FANCB: variants seen among roughly 807,000 people sequenced by gnomAD.
FANCB encodes the protein FA complementation group B, also known as Fanconi anemia group B protein.
A neutral mutation model predicts 38.9 loss-of-function variants in FANCB; 5 were observed. The ratio of observed to expected loss-of-function variants is 0.13; its 90% CI spans 0.07 to 0.27. FANCB has a LOEUF of 0.27. Among genes scored for constraint, FANCB ranks in the 10% least tolerant of loss-of-function variants. The pLI is 1.00. For synonymous variants in FANCB, 236 were observed against 215.4 expected (o/e 1.10, Z -0.84); for missense variants, 573 against 602.7 (o/e 0.95, Z 0.52).
intron 1 of FANCB, among the ~76,000 whole-genome samples, chrX:14,870,904 G>C (rs1334976244): frequency 9.0e-6 from 1 of 111,552 alleles, no homozygotes; most frequent in Non-Finnish European, 1.9e-5. Flanking sequence ...CAACTAAAAT[G>C]GCACCTAATA....
At chrX:14,699,150 C>T in the FANCB span, among the ~76,000 whole-genome samples, 28 of 112,270 alleles carry the variant, frequency 2.5e-4, no homozygotes, top group Non-Finnish European at 4.7e-4. Context: ...TGCAATAAAA[C>T]TCTGTTTTAA....
At chrX:14,744,609 T>C in the FANCB span, among the ~76,000 whole-genome samples, 361 of 81,031 alleles carry the variant, frequency 4.5e-3, 1 homozygote, top group African/African-American at 0.017. Flanking sequence ...GCCTTCCCTT[T>C]CCCCTCAGGG....
At chrX:14,810,961 G>T in the FANCB span, among the ~76,000 whole-genome samples, 3,058 of 111,051 alleles carry the variant, frequency 0.028, 101 homozygotes, top group African/African-American at 0.095. Context: ...GACTAACAGC[G>T]GATCTCTCGG....
At chrX:14,748,919 G>A in the FANCB span, among the ~76,000 whole-genome samples, 3 of 112,290 alleles carry the variant, frequency 2.7e-5, no homozygotes, top group African/African-American at 9.7e-5. Flanking sequence ...GTGTATAGAA[G>A]ACAGGAAGAT....
chrX:14,777,433 A>T, the FANCB span, among the ~76,000 whole-genome samples: 5 of 112,078 alleles, frequency 4.5e-5, no homozygotes, highest in Non-Finnish European at 9.4e-5. Flanking sequence ...AATTTGCATT[A>T]CTCAATATTT....
At chrX:14,868,441 A>C (rs2092479949) in intron 2 of FANCB, among the ~76,000 whole-genome samples, 1 of 112,110 alleles carries the variant, frequency 8.9e-6, no homozygotes, top group African/African-American at 3.2e-5. Flanking sequence ...TGGACTTGGA[A>C]GACATCATGT....
intron 7 of FANCB, 42 bp from the exon 8 acceptor site, chrX:14,845,328 CTTTAAA>C: frequency 9.8e-7 from 1 of 1,019,553 alleles, no homozygotes; most frequent in Non-Finnish European, 1.4e-6. Context: ...AAAGCTCATT[CTTTAAA>C]ATCAAATTGA....
chrX:14,838,329 T>TA (rs1327242449), intron 10 of FANCB, among the ~76,000 whole-genome samples: 1 of 112,123 alleles, frequency 8.9e-6, no homozygotes, highest in East Asian at 2.8e-4. Context: ...TAATTCCCCT[T>TA]CCAGCTGGCA....
chrX:14,758,647 G>A, the FANCB span, among the ~76,000 whole-genome samples: 7 of 111,811 alleles, frequency 6.3e-5, no homozygotes, highest in Non-Finnish European at 1.3e-4. Context: ...TCAGCTCTCA[G>A]AAAGTCATAT....
chrX:14,709,761 C>CT, the FANCB span, among the ~76,000 whole-genome samples: 1 of 111,841 alleles, frequency 8.9e-6, no homozygotes, highest in Non-Finnish European at 1.9e-5. Flanking sequence ...GCTATACCCC[C>CT]TCCTTACTCT....
the FANCB span, among the ~76,000 whole-genome samples, chrX:14,777,448 A>G: frequency 8.9e-6 from 1 of 112,233 alleles, no homozygotes; most frequent in African/African-American, 3.2e-5. Flanking sequence ...ATATTTTTTT[A>G]AATTCTATCT....
the FANCB span, among the ~76,000 whole-genome samples, chrX:14,716,124 C>T: frequency 9.0e-6 from 1 of 111,021 alleles, no homozygotes; most frequent in Admixed American, 9.6e-5. Flanking sequence ...GACAATAAAA[C>T]CCTTATTTGC....
chrX:14,764,576 A>G, the FANCB span, among the ~76,000 whole-genome samples: 1 of 111,660 alleles, frequency 9.0e-6, no homozygotes, highest in Non-Finnish European at 1.9e-5. Flanking sequence ...AAGCAAATCC[A>G]AGGCTCTGCC....
At chrX:14,781,440 T>C in the FANCB span, among the ~76,000 whole-genome samples, 1 of 110,857 alleles carries the variant, frequency 9.0e-6, no homozygotes, top group Admixed American at 9.6e-5. Flanking sequence ...TCTCAAAAAA[T>C]AAATAAATAA....
the FANCB span, among the ~76,000 whole-genome samples, chrX:14,818,636 A>G: frequency 1.0e-3 from 116 of 111,417 alleles, 2 homozygotes; most frequent in East Asian, 0.026. Context: ...TCTGGTAGAA[A>G]TATAACGCAT....
the FANCB span, among the ~76,000 whole-genome samples, chrX:14,796,648 C>T: frequency 1.4e-5 from 1 of 70,269 alleles, no homozygotes; most frequent in Admixed American, 2.0e-4. Context: ...AAAGGCAATT[C>T]TAAGTGCATA....
At chrX:14,820,909 G>T in the FANCB span, among the ~76,000 whole-genome samples, 3 of 111,421 alleles carry the variant, frequency 2.7e-5, no homozygotes, top group African/African-American at 9.8e-5. Flanking sequence ...AAATTTAAAA[G>T]CTTTTTAAAA....
At chrX:14,701,473 G>A in the FANCB span, among the ~76,000 whole-genome samples, 351 of 111,567 alleles carry the variant, frequency 3.1e-3, 1 homozygote, top group African/African-American at 0.01. Context: ...CTGTGTGTCT[G>A]CACAGGTTGC....
chrX:14,846,017 A>G (rs1333058496), intron 7 of FANCB, among the ~76,000 whole-genome samples: 1 of 111,872 alleles, frequency 8.9e-6, no homozygotes, highest in Non-Finnish European at 1.9e-5. Context: ...CTAATGAGTT[A>G]CACTAAAGAT....
Sources: gnomAD v4.1 joint callset for allele counts (sites outside exome capture counted in the v4.1 genomes callset) on GRCh38, gnomAD v4.1.1 for gene constraint, MANE v1.5 for transcripts, NCBI Gene and HGNC (gene_info 2026-07-23, HGNC 2026-07-21) for gene names.